PARP15: variants seen among roughly 807,000 people sequenced by gnomAD.
PARP15 encodes the protein poly(ADP-ribose) polymerase family member 15, also known as protein mono-ADP-ribosyltransferase PARP15.
PARP15 carries 50 observed loss-of-function variants against 62.1 expected under a neutral mutation model. That is an observed-to-expected ratio of 0.81 (90% CI 0.64 to 1.02). The LOEUF is 1.02. Ranked by LOEUF, PARP15 falls within the 50% of genes least tolerant of loss-of-function variation. The probability of loss-of-function intolerance (pLI) is 0.00; values close to 1 mark genes in which losing one functional copy is unlikely to be tolerated. For missense variants in PARP15, 820 were observed against 826.5 expected (o/e 0.99, Z 0.10); for synonymous variants, 309 against 293.1 (o/e 1.05, Z -0.55).
intron 2 of PARP15, among the ~76,000 whole-genome samples, chr3:122,608,204 TTC>T (rs1425706616): frequency 6.8e-6 from 1 of 147,850 alleles, no homozygotes; most frequent in Non-Finnish European, 1.5e-5. Flanking sequence ...CTTTTTTTCT[TTC>T]TCTTTTCTTT....
chr3:122,584,509 T>G (rs1933245330), intron 1 of PARP15, among the ~76,000 whole-genome samples: 4 of 152,130 alleles, frequency 2.6e-5, no homozygotes, highest in Admixed American at 2.6e-4. Context: ...CTAAGTAAGA[T>G]GCTTCTTTGG....
chr3:122,610,824 C>T (rs934194872), intron 3 of PARP15, 94 bp downstream of exon 3: 11 of 1,109,352 alleles, frequency 9.9e-6, no homozygotes, highest in Non-Finnish European at 1.4e-5. Flanking sequence ...AGCAATTTTG[C>T]CCCACAGAGG....
chr3:122,629,248 T>A (rs944371440), intron 9 of PARP15, among the ~76,000 whole-genome samples: 1 of 152,170 alleles, frequency 6.6e-6, no homozygotes, highest in African/African-American at 2.4e-5. Flanking sequence ...CTGCAACCGC[T>A]GCCTCCCAGG....
chr3:122,589,155 G>A (rs1933675962), intron 1 of PARP15, among the ~76,000 whole-genome samples: 1 of 152,164 alleles, frequency 6.6e-6, no homozygotes, highest in Non-Finnish European at 1.5e-5. Context: ...GTCCCAGCAT[G>A]GTAGAGTTCT....
At chr3:122,578,435 A>C (rs528173251) in intron 1 of PARP15, among the ~76,000 whole-genome samples, 1 of 152,208 alleles carries the variant, frequency 6.6e-6, no homozygotes, top group African/African-American at 2.4e-5. Context: ...GAGTGAATCT[A>C]ATTATTTTTT....
At position 122,601,036 on chromosome 3, in the gene PARP15, G is replaced by GTTTTTTTTTTTTTTTTTTTT. The variant is rs771581231; in HGVS notation, c.187-4896_187-4877dup. On this transcript the variant is annotated intron_variant, in intron 1 of 11. Coordinates refer to ENST00000464300, the MANE Select transcript of PARP15 (RefSeq NM_001113523.3). ...CATTGGTTTTTGTTTGTCTTTTATGGTTTTTTTTTTTTTTTTTTTTTTTGA... is the reference window on the plus strand; with the variant it reads ...CATTGGTTTTTGTTTGTCTTTTATGGTTTTTTTTTTTTTTTTTTTTTTTTTTTTTTTTTTTTTTTTTTTGA... Among the ~76,000 whole-genome samples, 51 of 73,026 alleles carry GTTTTTTTTTTTTTTTTTTTT rather than the reference G, an allele frequency of 7.0e-4. 9 individuals are homozygous for GTTTTTTTTTTTTTTTTTTTT. The highest frequency in any genetic ancestry group is 2.3e-3 in the African/African-American group (28 of 12,158). The allele number at this position is 73,026 out of a possible 152,430, so 47.9% of individuals were successfully genotyped here. A position where few individuals can be genotyped will look rare whatever the true frequency, so the allele number is the denominator to read the frequency against.
At position 122,637,184 on chromosome 3, in the gene PARP15, A is replaced by C. The variant is rs1937418650; in HGVS notation, c.*1084A>C. On this transcript the variant is annotated 3_prime_UTR_variant, in exon 12 of 12. Transcript: ENST00000464300. ...ATGAATGCACAGATAGAATATTAGC[A>C]GTGACAATGATGCTAGAGGTCACCT... The C allele has an allele frequency of 6.6e-6, 1 of 152,186 alleles. No homozygotes were observed. The highest frequency in any genetic ancestry group is 1.5e-5 in the Non-Finnish European group (1 of 68,072). The allele number at this position is 152,186 out of a possible 1,614,324, so 9.4% of individuals were successfully genotyped here.
chr3:122,619,643 A>G (rs1209264791), intron 6 of PARP15, 138 bp from the exon 7 acceptor site: 1 of 700,974 alleles, frequency 1.4e-6, no homozygotes, highest in East Asian at 2.7e-5. Flanking sequence ...TGCTATAGAA[A>G]GAGCAGTTGG....
chr3:122,590,464 C>T (rs371131305), intron 1 of PARP15, among the ~76,000 whole-genome samples: 13 of 151,650 alleles, frequency 8.6e-5, no homozygotes, highest in Non-Finnish European at 1.3e-4. Flanking sequence ...TTATTAGAGA[C>T]GGGGTTTCGC....
chr3:122,629,642 G>GTTA (rs530543514), intron 9 of PARP15, among the ~76,000 whole-genome samples: 1 of 152,032 alleles, frequency 6.6e-6, no homozygotes, highest in Admixed American at 6.6e-5. Flanking sequence ...TGTCCACTTT[G>GTTA]TTATTATTAT....
Position 122,613,219 on chromosome 3 carries a change from T to C in PARP15, c.722T>C (p.Leu241Ser), listed in dbSNP as rs115551100. The C allele has an allele frequency of 1.1e-3, 1,741 of 1,551,840 alleles. 16 individuals carry two copies. The African/African-American group carries it at 0.022, about 20-fold the overall frequency. Residue 241 changes from leucine to serine, a missense_variant, in exon 4 of 12, where the codon TTA becomes TCA. By Grantham distance (145) the Leu-to-Ser change is moderately radical. Around this residue, in one of 3 missense-constraint regions of PARP15, gnomAD observed 731 missense variants for 727.7 expected, o/e 1.00. Transcript: ENST00000464300. ...SSSTRPITSP[L>S]QEVHFLVYTN... ...AGCACAAGGCCGATAACTAGCCCTT[T>C]ACAAGAAGTCCACTTTCTGGTATAT...
chr3:122,614,267 G>T (rs1042843289), intron 4 of PARP15, among the ~76,000 whole-genome samples: 1 of 152,162 alleles, frequency 6.6e-6, no homozygotes, highest in African/African-American at 2.4e-5. Flanking sequence ...CCCAAAACTG[G>T]TAGTAGTCAT....
At chr3:122,631,962 AAT>A (rs1937081173) in intron 9 of PARP15, 122 bp from the exon 10 acceptor site, 1 of 1,035,538 alleles carries the variant, frequency 9.7e-7, no homozygotes, top group African/African-American at 1.6e-5. Flanking sequence ...GCAATTGTGA[AAT>A]GTGTAACTTC....
chr3:122,582,195 A>G (rs983316492), intron 1 of PARP15, among the ~76,000 whole-genome samples: 2 of 151,318 alleles, frequency 1.3e-5, no homozygotes. Context: ...TTTTTGAAAC[A>G]AGGTCTCCCT....
intron 4 of PARP15, 80 bp downstream of exon 4, chr3:122,613,348 A>C: frequency 8.0e-7 from 1 of 1,249,380 alleles, no homozygotes; most frequent in Non-Finnish European, 1.1e-6. Context: ...TCTAGGAATA[A>C]CCGTGTTTTC....
At chr3:122,624,512 A>G (rs1180976410) in intron 8 of PARP15, among the ~76,000 whole-genome samples, 1 of 152,214 alleles carries the variant, frequency 6.6e-6, no homozygotes, top group Non-Finnish European at 1.5e-5. Flanking sequence ...TTTATTGTGA[A>G]GATAATGAAG....
At chr3:122,615,030 C>CAAAAAAAAAAAAAAA (rs11356111) in intron 4 of PARP15, 1 of 736,702 alleles carries the variant, frequency 1.4e-6, no homozygotes, top group African/African-American at 3.1e-5. Flanking sequence ...ACTCTGTCTG[C>CAAAAAAAAAAAAAAA]AAAAAAAAAA....
At chr3:122,600,206 A>G (rs1934683434) in intron 1 of PARP15, among the ~76,000 whole-genome samples, 1 of 152,176 alleles carries the variant, frequency 6.6e-6, no homozygotes, top group Non-Finnish European at 1.5e-5. Flanking sequence ...TATTTTTACT[A>G]GTAAAATGCA....
intron 3 of PARP15, among the ~76,000 whole-genome samples, chr3:122,611,286 C>T (rs528238021): frequency 6.6e-6 from 1 of 152,156 alleles, no homozygotes; most frequent in African/African-American, 2.4e-5. Context: ...TAGAAAAGTA[C>T]AAAAAGACAA....
Sources: gnomAD v4.1 joint callset for allele counts (sites outside exome capture counted in the v4.1 genomes callset) on GRCh38, gnomAD v4.1.1 for gene constraint, gnomAD v4.1.1 regional missense constraint, MANE v1.5 for transcripts, NCBI Gene and HGNC (gene_info 2026-07-23, HGNC 2026-07-21) for gene names.